The following DNAH12 variants were observed in gnomAD, a reference collection of about 807,000 sequenced individuals.
DNAH12 encodes the protein axonemal beta dynein heavy chain 12.
Under a neutral mutation model 371.5 loss-of-function variants are expected in DNAH12, and 285 were observed. The observed-to-expected ratio is 0.77, with a 90% CI of 0.70 to 0.85. The LOEUF is 0.85. Among genes scored for constraint, DNAH12 ranks in the 40% least tolerant of loss-of-function variants. The pLI is 0.00. For missense variants in DNAH12, 3,611 were observed against 3,689.4 expected (o/e 0.98, Z 0.55); for synonymous variants, 1,200 against 1,213.0 (o/e 0.99, Z 0.22).
At chr3:57,521,549 T>C (rs2068444950) in intron 4 of DNAH12, among the ~76,000 whole-genome samples, 1 of 152,130 alleles carries the variant, frequency 6.6e-6, no homozygotes, top group Non-Finnish European at 1.5e-5. Flanking sequence ...TGTGCGTCTA[T>C]TTCTAGGTCA....
intron 36 of DNAH12, among the ~76,000 whole-genome samples, chr3:57,420,181 A>G (rs2064522764): frequency 6.6e-6 from 1 of 152,060 alleles, no homozygotes; most frequent in South Asian, 2.1e-4. Context: ...GTGCCTCCCA[A>G]TCTTCACTCC....
At position 57,390,427 on chromosome 3, in the gene DNAH12, ATAT is replaced by A. The variant is rs2063596229; in HGVS notation, c.7305+1442_7305+1444del. Among the ~76,000 whole-genome samples, 52 of 50,342 alleles carry A rather than the reference ATAT, an allele frequency of 1.0e-3. 2 individuals carry two copies. The highest frequency in any genetic ancestry group is 1.6e-3 in the Non-Finnish European group (37 of 22,484). The allele number at this position is 50,342 out of a possible 152,430, so 33.0% of individuals were successfully genotyped here. A position where few individuals can be genotyped will look rare whatever the true frequency, so the allele number is the denominator to read the frequency against. ...CTGTCTCAAAAAAAAAAAAAAAAAT[ATAT>A]ATATATATATATATATATATACTTA... On this transcript the variant is annotated intron_variant, in intron 45 of 73. Coordinates refer to ENST00000495027, the MANE Select transcript of DNAH12 (RefSeq NM_001366028.2).
intron 37 of DNAH12, among the ~76,000 whole-genome samples, chr3:57,418,529 G>C (rs149441010): frequency 0.021 from 3,030 of 147,468 alleles, 88 homozygotes; most frequent in African/African-American, 0.071. Context: ...GACAGAGTGA[G>C]ACCCTGTCTC....
At chr3:57,308,147 G>A (rs1431501519) in intron 69 of DNAH12, among the ~76,000 whole-genome samples, 4 of 152,086 alleles carry the variant, frequency 2.6e-5, no homozygotes, top group Admixed American at 6.6e-5. Flanking sequence ...AATACCTCTT[G>A]GTCTGGGTAG....
chr3:57,343,613 G>A (rs577645404), intron 60 of DNAH12, among the ~76,000 whole-genome samples: 3 of 152,318 alleles, frequency 2.0e-5, no homozygotes, highest in African/African-American at 7.2e-5. Context: ...AGACCTGACC[G>A]TCCCCCAGCC....
chr3:57,381,318 G>T (rs1354441548), intron 50 of DNAH12, among the ~76,000 whole-genome samples: 1 of 149,344 alleles, frequency 6.7e-6, no homozygotes, highest in Admixed American at 6.8e-5. Context: ...TTATCTCAAT[G>T]AAGGACAGAA....
chr3:57,474,291 A>C (rs961113210), intron 13 of DNAH12, among the ~76,000 whole-genome samples: 1 of 152,196 alleles, frequency 6.6e-6, no homozygotes, highest in Non-Finnish European at 1.5e-5. Context: ...ATATAAAAAT[A>C]TTAAAGTTAA....
At chr3:57,546,502 G>A (rs556920756), upstream of DNAH12, among the ~76,000 whole-genome samples, 6 of 152,070 alleles carry the variant, frequency 3.9e-5, no homozygotes, top group Non-Finnish European at 7.4e-5. Flanking sequence ...CCACGACATC[G>A]GCTAATTTTT....
chr3:57,376,156 T>C (rs918925725), intron 53 of DNAH12, among the ~76,000 whole-genome samples, 191 bp from the exon 54 acceptor site: 2 of 151,966 alleles, frequency 1.3e-5, no homozygotes, highest in Admixed American at 6.6e-5. Flanking sequence ...ATTATGTGAA[T>C]GACAATCTTC....
chr3:57,478,522 T>G (rs1407781354), intron 13 of DNAH12, among the ~76,000 whole-genome samples: 4 of 152,292 alleles, frequency 2.6e-5, no homozygotes, highest in Admixed American at 1.3e-4. Context: ...CCAGGAGAAC[T>G]TCCCCAACCT....
Position 57,462,867 on chromosome 3 carries a change from A to C in DNAH12, c.2358T>G (p.Ile786Met). The change falls in exon 18 of 74, where the codon ATT becomes ATG. Residue 786 changes from isoleucine (I) to methionine (M), a missense_variant. By Grantham distance (10) the Ile-to-Met change is conservative. Transcript: ENST00000495027. ...MEQIKAFKEY[I>M]PTVSILCNPG... is the part of the protein sequence containing the mutation. Reference sequence around the variant, plus strand: ...GATTGCACAGAATGGAGACAGTAGGAATATATTCCTAATGGCAAAAATATA... The same window carrying C: ...GATTGCACAGAATGGAGACAGTAGGCATATATTCCTAATGGCAAAAATATA... The C allele has an allele frequency of 6.5e-7, 1 of 1,550,310 alleles. No homozygotes were observed. The highest frequency in any genetic ancestry group is 8.7e-7 in the Non-Finnish European group (1 of 1,146,538).
At chr3:57,463,232 A>G (rs966987622) in intron 17 of DNAH12, among the ~76,000 whole-genome samples, 1 of 151,940 alleles carries the variant, frequency 6.6e-6, no homozygotes. Flanking sequence ...TAAGATTGCA[A>G]TACTGCACTC....
Position 57,323,007 on chromosome 3 carries a change from T to A in DNAH12, c.10383A>T (p.Lys3461Asn). 6.4e-7 allele frequency: 1 copy of A among 1,551,730 alleles called. No homozygotes were observed. Among genetic ancestry groups the A allele is most frequent in the Non-Finnish European group, 8.7e-7 (1 of 1,146,988 alleles). Reference protein sequence around the residue: ...RLWLTSYPSSKFPVTILQNGV... With the variant: ...RLWLTSYPSSNFPVTILQNGV... ...TAACTCTATAAGGAAATAAACATAC[T>A]TTTGAAGATGGATAGCTTGTCAGCC... is the stretch of plus-strand genomic sequence containing the variant. The change falls in exon 64 of 74, where the codon AAA (lysine) becomes AAT (asparagine). Residue 3461 changes from lysine (K) to asparagine (N), a missense_variant and splice_region_variant. Physicochemically the swap from Lys to Asn is moderately conservative, Grantham distance 94. This residue lies in a region of DNAH12 where 2,266 missense variants were observed against 2,236.9 expected (regional missense o/e 1.01). Coordinates refer to ENST00000495027, the MANE Select transcript of DNAH12 (RefSeq NM_001366028.2).
intron 60 of DNAH12, among the ~76,000 whole-genome samples, chr3:57,345,956 A>T (rs1282792550): frequency 1.3e-5 from 2 of 152,018 alleles, no homozygotes; most frequent in African/African-American, 2.4e-5. Flanking sequence ...TTTATTTTTT[A>T]AAAATCTGTG....
At chr3:57,534,407 G>C (rs1169972767) in intron 2 of DNAH12, among the ~76,000 whole-genome samples, 2 of 151,632 alleles carry the variant, frequency 1.3e-5, no homozygotes, top group African/African-American at 4.8e-5. Context: ...CTGTTGAGGG[G>C]TATGTTCAGT....
At chr3:57,382,105 A>G (rs1418890780) in intron 50 of DNAH12, among the ~76,000 whole-genome samples, 157 bp downstream of exon 50, 2 of 152,118 alleles carry the variant, frequency 1.3e-5, no homozygotes, top group African/African-American at 4.8e-5. Context: ...GTTTTTTGAC[A>G]CTACATTGTC....
intron 60 of DNAH12, among the ~76,000 whole-genome samples, chr3:57,349,928 G>A (rs1400768800): frequency 1.3e-5 from 2 of 152,280 alleles, no homozygotes; most frequent in East Asian, 1.9e-4. Flanking sequence ...GAACTCAGGC[G>A]ATCCACTTGC....
At chr3:57,309,887 T>G (rs1487183571) in intron 67 of DNAH12, 33 bp from the exon 68 acceptor site, 1 of 1,526,122 alleles carries the variant, frequency 6.6e-7, no homozygotes, top group African/African-American at 1.4e-5. Context: ...TGCATCATAT[T>G]TTCCCTGGAT....
intron 2 of DNAH12, among the ~76,000 whole-genome samples, chr3:57,542,321 G>A (rs998804554): frequency 1.2e-4 from 19 of 152,120 alleles, no homozygotes; most frequent in Non-Finnish European, 1.9e-4. Flanking sequence ...ATAATATATT[G>A]AAAGGAGGAA....
Sources: gnomAD v4.1 joint callset for allele counts (sites outside exome capture counted in the v4.1 genomes callset) on GRCh38, gnomAD v4.1.1 for gene constraint, gnomAD v4.1.1 regional missense constraint, MANE v1.5 for transcripts, NCBI Gene and HGNC (gene_info 2026-07-23, HGNC 2026-07-21) for gene names.